NLRP4: variants seen among roughly 807,000 people sequenced by gnomAD.
NLRP4 encodes NACHT, LRR and PYD domains-containing protein 4.
In NLRP4, 44 loss-of-function variants were observed where a neutral mutation model predicts 84.7. The observed-to-expected ratio is 0.52, with a 90% CI of 0.41 to 0.67. The LOEUF is 0.67. NLRP4 is among the 30% of genes least tolerant of loss of function. The pLI, the probability that NLRP4 is intolerant of heterozygous loss-of-function variation, is 0.00. For missense variants in NLRP4, 1,260 were observed against 1,219.4 expected (o/e 1.03, Z -0.50); for synonymous variants, 544 against 476.4 (o/e 1.14, Z -1.85).
chr19:55,838,308 A>G (rs1179384341), intron 1 of NLRP4, among the ~76,000 whole-genome samples: 1 of 151,498 alleles, frequency 6.6e-6, no homozygotes, highest in African/African-American at 2.4e-5. Context: ...ATCTTAGAAA[A>G]AATGGCCACA....
At chr19:55,849,953 GA>G (rs756251705) in intron 1 of NLRP4, among the ~76,000 whole-genome samples, 6,101 of 93,764 alleles carry the variant, frequency 0.065, 803 homozygotes, top group African/African-American at 0.079. Context: ...TAATTTCCGA[GA>G]CTGCGGTGTA....
At position 55,861,997 on chromosome 19, in the gene NLRP4, A is replaced by C. The variant is rs748163255; in HGVS notation, c.2024A>C (p.Asn675Thr). 6.2e-7 allele frequency: 1 copy of C among 1,613,162 alleles called. No individual in the cohort carries two copies. Among genetic ancestry groups the C allele is most frequent in the East Asian group, 2.2e-5 (1 of 44,900 alleles). Residue 675 changes from asparagine (N) to threonine (T), a missense_variant, in exon 5 of 10, where the codon AAT becomes ACT. Around this residue, in one of 3 missense-constraint regions of NLRP4, gnomAD observed 544 missense variants for 531.7 expected, o/e 1.02. Coordinates refer to ENST00000301295, the MANE Select transcript of NLRP4 (RefSeq NM_134444.5). ...AATTTTCTTTGTTTTTGCAGAATAA[A>C]TAACGTTTCCTTTTCTGGCCAGAGT... Reference protein sequence around the residue: ...PSCRLQKLGINNVSFSGQSVL... With the variant: ...PSCRLQKLGITNVSFSGQSVL...
intron 9 of NLRP4, among the ~76,000 whole-genome samples, chr19:55,881,093 C>T (rs1195983465): frequency 1.3e-5 from 2 of 151,296 alleles, no homozygotes; most frequent in African/African-American, 4.9e-5. Flanking sequence ...TATTTATGTC[C>T]AGTGACATAT....
At chr19:55,878,291 A>T (rs302451) in intron 8 of NLRP4, among the ~76,000 whole-genome samples, 96,968 of 150,224 alleles carry the variant, frequency 0.65, 31,544 homozygotes, top group Middle Eastern at 0.8. Flanking sequence ...GGCGTGGTGC[A>T]TGCCTGTAGT....
chr19:55,880,288 C>T (rs1420092866), intron 9 of NLRP4, among the ~76,000 whole-genome samples: 1 of 152,012 alleles, frequency 6.6e-6, no homozygotes, highest in Non-Finnish European at 1.5e-5. Flanking sequence ...TTAATGTTTG[C>T]TAAAGATTCA....
rs201148110 is a variant in NLRP4 at position 55,858,084 on chromosome 19, G to A, written c.691G>A (p.Asp231Asn). ...ACCGGAGAGACTCTTGTTCGTCATC[G>A]ACAGCTTCGAAGAGCTGCAGGGCGG... ...SQPERLLFVI[D>N]SFEELQGGLN... is the part of the protein sequence containing the mutation. Residue 231 changes from aspartate to asparagine, a missense_variant, in exon 3 of 10, where the codon GAC (aspartate) becomes AAC (asparagine). Coordinates refer to ENST00000301295, the MANE Select transcript of NLRP4 (RefSeq NM_134444.5). This position sits in a 1 kb window ranked among gnomAD's most constrained non-coding sequence, Gnocchi z 4.2. The A allele has an allele frequency of 5.6e-6, 9 of 1,614,124 alleles. No homozygotes were observed. The highest frequency in any genetic ancestry group is 3.3e-5 in the Admixed American group (2 of 60,014).
At chr19:55,875,738 T>C (rs575074862) in intron 7 of NLRP4, among the ~76,000 whole-genome samples, 5 of 151,942 alleles carry the variant, frequency 3.3e-5, no homozygotes, top group African/African-American at 1.2e-4. Context: ...ACCTAAAATA[T>C]AAAAAGTGGG....
At chr19:55,863,628 C>T (rs965221730) in intron 5 of NLRP4, among the ~76,000 whole-genome samples, 1 of 151,980 alleles carries the variant, frequency 6.6e-6, no homozygotes, top group South Asian at 2.1e-4. Flanking sequence ...GATTACAGTT[C>T]GACGTGAGGG....
intron 3 of NLRP4, among the ~76,000 whole-genome samples, chr19:55,860,612 T>G (rs1318038640): frequency 6.6e-6 from 1 of 151,748 alleles, no homozygotes. Flanking sequence ...ATGAGGTGGA[T>G]CCTATTATCC....
chr19:55,849,855 T>G (rs367704629), intron 1 of NLRP4, among the ~76,000 whole-genome samples: 9 of 134,458 alleles, frequency 6.7e-5, no homozygotes, highest in Admixed American at 3.9e-4. Flanking sequence ...TTTCCGAGAC[T>G]GCGGTGTAAT....
chr19:55,850,292 T>A (rs79365787), intron 1 of NLRP4, among the ~76,000 whole-genome samples: 861 of 47,252 alleles, frequency 0.018, 11 homozygotes, highest in African/African-American at 0.066. Flanking sequence ...GTAATGTCCG[T>A]GGCTGCGGTG....
At chr19:55,841,413 C>T (rs1983608662) in intron 1 of NLRP4, among the ~76,000 whole-genome samples, 1 of 152,170 alleles carries the variant, frequency 6.6e-6, no homozygotes, top group African/African-American at 2.4e-5. Context: ...CTTATTTTAC[C>T]TCGTGTCCTC....
In NLRP4 at chr19:55,870,812, T is replaced by C; in HGVS notation, c.2355-15T>C. 6.2e-7 allele frequency: 1 copy of C among 1,606,746 alleles called. No homozygotes were observed. Among genetic ancestry groups the C allele is most frequent in the South Asian group, 1.1e-5 (1 of 90,868 alleles). On this transcript the variant is annotated splice_polypyrimidine_tract_variant and intron_variant, in intron 6 of 9. Coordinates refer to ENST00000301295, the MANE Select transcript of NLRP4 (RefSeq NM_134444.5). ...GTCCCTCTTCACTCTCCTTCTCGTG[T>C]TTTTGTCCCCATAGGTTGGCTTTCT...
In NLRP4 at chr19:55,852,058, T is replaced by C. The variant is rs940526561; in HGVS notation, c.-23T>C. On this transcript the variant is annotated 5_prime_UTR_variant, in exon 2 of 10. Transcript: ENST00000301295. ...TTCCTGGTCACTGTCTCTTTGAGGA[T>C]TGGTATCTCTGCTCCAGAAAAGATG... 4.5e-6 allele frequency: 7 copies of C among 1,569,372 alleles called. No individual in the cohort carries two copies. Among genetic ancestry groups the C allele is most frequent in the African/African-American group, 2.8e-5 (2 of 72,320 alleles).
intron 2 of NLRP4, among the ~76,000 whole-genome samples, chr19:55,857,048 A>C (rs891985497): frequency 6.6e-6 from 1 of 152,230 alleles, no homozygotes; most frequent in Non-Finnish European, 1.5e-5. Flanking sequence ...AATTGAGTAC[A>C]TGCTATAGAC....
intron 3 of NLRP4, 66 bp from the exon 4 acceptor site, chr19:55,861,320 A>G (rs1984741334): frequency 9.6e-6 from 13 of 1,358,820 alleles, no homozygotes; most frequent in South Asian, 8.7e-5. Context: ...CGTAGTGCGT[A>G]TATGTGTTAC....
intron 1 of NLRP4, among the ~76,000 whole-genome samples, chr19:55,840,136 T>C (rs1983550957): frequency 6.6e-6 from 1 of 152,182 alleles, no homozygotes; most frequent in Non-Finnish European, 1.5e-5. Context: ...TCTTATAGTG[T>C]TTTTTCCATT....
intron 1 of NLRP4, among the ~76,000 whole-genome samples, chr19:55,837,809 G>A (rs1171111111): frequency 6.6e-6 from 1 of 152,156 alleles, no homozygotes; most frequent in Non-Finnish European, 1.5e-5. Context: ...GTTGAGGTGG[G>A]TGGATCATCT....
chr19:55,857,665 C>T lies in NLRP4; in HGVS notation c.281-9C>T. 1.2e-6 allele frequency: 2 copies of T among 1,610,588 alleles called. No individual in the cohort carries two copies. The highest frequency in any genetic ancestry group is 1.7e-6 in the Non-Finnish European group (2 of 1,179,374). ...TGGGTTTTCTCTCCTCTTGCCCTCACTGACTCAGGATACACAAAGACCTAT... is the reference window on the plus strand; with the variant it reads ...TGGGTTTTCTCTCCTCTTGCCCTCATTGACTCAGGATACACAAAGACCTAT... On this transcript the variant is annotated splice_polypyrimidine_tract_variant and intron_variant, in intron 2 of 9. Transcript: ENST00000301295.
Sources: gnomAD v4.1 joint callset for allele counts (sites outside exome capture counted in the v4.1 genomes callset) on GRCh38, gnomAD v4.1.1 for gene constraint, gnomAD v4.1.1 regional missense constraint, Gnocchi (gnomAD v3.1) non-coding constraint, MANE v1.5 for transcripts, NCBI Gene and HGNC (gene_info 2026-07-23, HGNC 2026-07-21) for gene names.